MEGF8: variants seen among roughly 807,000 people sequenced by gnomAD.
The protein encoded by MEGF8 is multiple epidermal growth factor-like domains protein 8.
Under a neutral mutation model 302.9 loss-of-function variants are expected in MEGF8, and 156 were observed. That is an observed-to-expected ratio of 0.52 (90% CI 0.45 to 0.59). The LOEUF (loss-of-function observed/expected upper bound fraction) is 0.59. Among genes scored for constraint, MEGF8 ranks in the 20% least tolerant of loss-of-function variants. MEGF8 has a pLI of 0.00. For missense variants in MEGF8, 3,345 were observed against 3,964.5 expected (o/e 0.84, Z 4.20); for synonymous variants, 1,621 against 1,660.5 (o/e 0.98, Z 0.58).
chr19:42,350,980 C>T (rs922335308), intron 15 of MEGF8, among the ~76,000 whole-genome samples: 3 of 152,136 alleles, frequency 2.0e-5, no homozygotes, highest in Admixed American at 6.5e-5. Flanking sequence ...ATTGAATAAG[C>T]CCCACCCGGA....
At position 42,336,230 on chromosome 19, in the gene MEGF8, G is replaced by T; in HGVS notation, c.1128G>T (p.Trp376Cys). 6.2e-7 allele frequency: 1 copy of T among 1,609,428 alleles called. No homozygotes were observed. ...TTGACAGCACCAGCGGGGGCTATTGGGAGCAGGTGATTCCGGCAGGCGGAC... is the reference window on the plus strand; with the variant it reads ...TTGACAGCACCAGCGGGGGCTATTGTGAGCAGGTGATTCCGGCAGGCGGAC... ...FRLDSTSGGY[W>C]EQVIPAGGRP... The change falls in exon 6 of 42, where the codon TGG becomes TGT. Residue 376 changes from tryptophan (W) to cysteine (C), a missense_variant. By Grantham distance (215) the Trp-to-Cys change is radical. Transcript: ENST00000251268. This position sits in a 1 kb window ranked among gnomAD's most constrained non-coding sequence, Gnocchi z 4.8.
chr19:42,369,848 C>A lies in MEGF8; in HGVS notation c.6834+125C>A. The stretch of plus-strand genomic sequence containing the variant: ...TAAGCCAGGGACAGATAAGCCAGAG[C>A]CCTGTCCCAGGGAGATGTGTGGAGA... On this transcript the variant is annotated intron_variant, in intron 38 of 41. Transcript: ENST00000251268. The surrounding 1 kb of genome is among the most constrained non-coding windows in gnomAD (Gnocchi z 5.7). 2 of 1,137,708 alleles carry A rather than the reference C, an allele frequency of 1.8e-6. No homozygotes were observed. The highest frequency in any genetic ancestry group is 2.5e-6 in the Non-Finnish European group (2 of 815,200). 70.5% of individuals were successfully genotyped at this position (1,137,708 alleles called of 1,614,324 possible). A position where few individuals can be genotyped will look rare whatever the true frequency, so the allele number is the denominator to read the frequency against.
Position 42,336,429 on chromosome 19 carries a change from C to A in MEGF8, c.1244+83C>A. The stretch of plus-strand genomic sequence containing the variant: ...GGCCTTTAGTCTTTAGAGGTCTTTG[C>A]CCACTGTCGGACTCCTGTGGTCTCT... On this transcript the variant is annotated intron_variant, in intron 6 of 41. Transcript: ENST00000251268. This position sits in a 1 kb window ranked among gnomAD's most constrained non-coding sequence, Gnocchi z 4.8. 1 of 1,373,912 alleles carries A rather than the reference C, an allele frequency of 7.3e-7. No homozygotes were observed. Among genetic ancestry groups the A allele is most frequent in the Non-Finnish European group, 9.7e-7 (1 of 1,034,656 alleles). 85.1% of individuals were successfully genotyped at this position (1,373,912 alleles called of 1,614,324 possible).
chr19:42,369,365 T>C lies in MEGF8; in HGVS notation c.6642-166T>C, dbSNP rs1185085538. Among the ~76,000 whole-genome samples, 1 of 152,182 alleles carries C rather than the reference T, an allele frequency of 6.6e-6. No individual in the cohort carries two copies. Among genetic ancestry groups the C allele is most frequent in the Non-Finnish European group, 1.5e-5 (1 of 68,020 alleles). ...CAAAAGAGGAGAGAGGGTTGTGGGC[T>C]ACACCTGGAGGGGGTGGTGGGCTAG... On this transcript the variant is annotated intron_variant, in intron 37 of 41. Coordinates refer to ENST00000251268, the MANE Select transcript of MEGF8 (RefSeq NM_001271938.2). This position sits in a 1 kb window ranked among gnomAD's most constrained non-coding sequence, Gnocchi z 5.7.
chr19:42,369,053 G>A lies in MEGF8; in HGVS notation c.6641+51G>A, dbSNP rs1014399029. On this transcript the variant is annotated intron_variant, in intron 37 of 41. Coordinates refer to ENST00000251268, the MANE Select transcript of MEGF8 (RefSeq NM_001271938.2). This position sits in a 1 kb window ranked among gnomAD's most constrained non-coding sequence, Gnocchi z 5.7. ...CAGGCAGGCTAGGGTGGGAGAGTCT[G>A]TGGGGAGCAGTAATGGATGAGGCCT... 5.6e-6 allele frequency: 9 copies of A among 1,596,620 alleles called. No homozygotes were observed. In the South Asian group the frequency reaches 8.9e-5, roughly 16 times the overall value.
Position 42,337,150 on chromosome 19 carries a change from T to A in MEGF8, c.1457T>A (p.Leu486His). 1.9e-6 allele frequency: 3 copies of A among 1,614,042 alleles called. No individual in the cohort carries two copies. The highest frequency in any genetic ancestry group is 2.5e-6 in the Non-Finnish European group (3 of 1,179,898). Residue 486 changes from leucine (L) to histidine (H), a missense_variant, in exon 8 of 42, where the codon CTT becomes CAT. By Grantham distance (99) the Leu-to-His change is moderately conservative (BLOSUM62 -3). Coordinates refer to ENST00000251268, the MANE Select transcript of MEGF8 (RefSeq NM_001271938.2). ...GAAGATGGCATCTTCTTCTACCACC[T>A]TGGCTGCCATCAATGGGTGTCAGGA... Reference protein sequence around the residue: ...CYEDGIFFYHLGCHQWVSGAE... With the variant: ...CYEDGIFFYHHGCHQWVSGAE...
In MEGF8 at chr19:42,369,649, C is replaced by A. The variant is rs750817882; in HGVS notation, c.6760C>A (p.Arg2254Ser). The change falls in exon 38 of 42, where the codon CGC (arginine) becomes AGC (serine). Residue 2254 changes from arginine to serine, a missense_variant. Transcript: ENST00000251268. This position sits in a 1 kb window ranked among gnomAD's most constrained non-coding sequence, Gnocchi z 5.7. ...FVGRNCSTEC[R>S]CNRHSECAGV... ...GGGCCGCAACTGCTCCACGGAATGC[C>A]GCTGCAACCGCCACAGTGAATGCGC... 89 of 1,609,134 alleles carry A rather than the reference C, an allele frequency of 5.5e-5. No homozygotes were observed. The highest frequency in any genetic ancestry group is 7.0e-5 in the Non-Finnish European group (82 of 1,177,238).
Position 42,356,077 on chromosome 19 carries a change from C to A in MEGF8, c.4393-6C>A. ...GGGCTCCCCTGAGTCCCTTGTCATC[C>A]CCCAGAGCCTGGGTGTGTGCATCTG... is the stretch of plus-strand genomic sequence containing the variant. On this transcript the variant is annotated splice_region_variant and splice_polypyrimidine_tract_variant and intron_variant, in intron 24 of 41. Transcript: ENST00000251268. The surrounding 1 kb of genome is among the most constrained non-coding windows in gnomAD (Gnocchi z 5.2). 6.3e-7 allele frequency: 1 copy of A among 1,586,854 alleles called. No individual in the cohort carries two copies. The highest frequency in any genetic ancestry group is 8.6e-7 in the Non-Finnish European group (1 of 1,162,772).
At position 42,357,514 on chromosome 19, in the gene MEGF8, G is replaced by C; in HGVS notation, c.4941G>C (p.Gln1647His). 6.2e-7 allele frequency: 1 copy of C among 1,613,674 alleles called. No homozygotes were observed. The highest frequency in any genetic ancestry group is 2.2e-5 in the East Asian group (1 of 44,864). The change falls in exon 28 of 42, where the codon CAG (glutamine) becomes CAC (histidine). Residue 1647 changes from glutamine to histidine, a missense_variant. Transcript: ENST00000251268. This position sits in a 1 kb window ranked among gnomAD's most constrained non-coding sequence, Gnocchi z 5.2. ...GGYSPENGFN[Q>H]QLLEYQLATG... ...ACTCCCCGGAAAATGGCTTCAACCA[G>C]CAGCTGCTGGAGTACCAGCTGGCAA...
Position 42,369,317 on chromosome 19 carries a change from T to A in MEGF8, c.6642-214T>A, listed in dbSNP as rs1273987304. On this transcript the variant is annotated intron_variant, in intron 37 of 41. Coordinates refer to ENST00000251268, the MANE Select transcript of MEGF8 (RefSeq NM_001271938.2). The surrounding 1 kb of genome is among the most constrained non-coding windows in gnomAD (Gnocchi z 5.7). ...GGGAGACCCCATCTCTACAAAAAAATAAAAAAGAAAATAGGGTACCCTCAA... is the reference window on the plus strand; with the variant it reads ...GGGAGACCCCATCTCTACAAAAAAAAAAAAAAGAAAATAGGGTACCCTCAA... Among the ~76,000 whole-genome samples the A allele has an allele frequency of 1.3e-5, 2 of 151,650 alleles. No homozygotes were observed. Among genetic ancestry groups the A allele is most frequent in the Non-Finnish European group, 2.9e-5 (2 of 67,942 alleles).
Position 42,344,062 on chromosome 19 carries a change from C to A in MEGF8, c.1777C>A (p.Pro593Thr). 1 of 1,613,376 alleles carries A rather than the reference C, an allele frequency of 6.2e-7. No homozygotes were observed. The highest frequency in any genetic ancestry group is 8.5e-7 in the Non-Finnish European group (1 of 1,179,680). The change falls in exon 10 of 42, where the codon CCC (proline) becomes ACC (threonine). Residue 593 changes from proline (P) to threonine (T), a missense_variant. Pro to Thr is a conservative substitution (Grantham distance 38). Coordinates refer to ENST00000251268, the MANE Select transcript of MEGF8 (RefSeq NM_001271938.2). The surrounding 1 kb of genome is among the most constrained non-coding windows in gnomAD (Gnocchi z 4.5). ...CCAAGCTGCACCCCCTCCTGGGACCCCCTTGGGGGCTGTGAGTGACAGCCC... is the reference window on the plus strand; with the variant it reads ...CCAAGCTGCACCCCCTCCTGGGACCACCTTGGGGGCTGTGAGTGACAGCCC... ...ACQAAPPPGTPLGACPAASCL... is the reference protein window; with the variant it reads ...ACQAAPPPGTTLGACPAASCL...
chr19:42,351,255 G>T lies in MEGF8; in HGVS notation c.2776G>T (p.Gly926Trp). ...CEWHQSTSRK[G>W]DAACSRRGRG... ...GTGGCATCAGAGCACCAGCCGCAAA[G>T]GGGACGCGGCATGCAGCCGGCGGGG... The change falls in exon 16 of 42, where the codon GGG becomes TGG. Residue 926 changes from glycine to tryptophan, a missense_variant. Coordinates refer to ENST00000251268, the MANE Select transcript of MEGF8 (RefSeq NM_001271938.2). This position sits in a 1 kb window ranked among gnomAD's most constrained non-coding sequence, Gnocchi z 5.6. 6.4e-7 allele frequency: 1 copy of T among 1,571,926 alleles called. No individual in the cohort carries two copies. The highest frequency in any genetic ancestry group is 2.3e-5 in the East Asian group (1 of 42,884).
intron 31 of MEGF8, among the ~76,000 whole-genome samples, chr19:42,360,372 G>A (rs1252498331): frequency 6.8e-6 from 1 of 146,456 alleles, no homozygotes; most frequent in East Asian, 2.0e-4. Flanking sequence ...TGGAGACATG[G>A]TCTTGTTCTG....
chr19:42,329,639 A>T (rs1217490572), intron 1 of MEGF8, among the ~76,000 whole-genome samples: 1 of 152,198 alleles, frequency 6.6e-6, no homozygotes. Context: ...AGATGCAAGG[A>T]TTACTCGAGC....
chr19:42,362,669 TG>T (rs1205116287), intron 34 of MEGF8, 72 bp downstream of exon 34: 5 of 1,504,380 alleles, frequency 3.3e-6, no homozygotes, highest in East Asian at 2.4e-5. Flanking sequence ...GAGGAGGGGC[TG>T]GGGGCCTGGT....
intron 32 of MEGF8, among the ~76,000 whole-genome samples, chr19:42,361,611 A>C (rs1434163029): frequency 6.6e-6 from 1 of 152,206 alleles, no homozygotes; most frequent in African/African-American, 2.4e-5. Flanking sequence ...TCTAAAATCC[A>C]GAACAGTCTG....
rs374797693 is a variant in MEGF8, at chr19:42,362,523, C to T, written c.5984C>T (p.Ala1995Val). 9.3e-6 allele frequency: 15 copies of T among 1,613,620 alleles called. No homozygotes were observed. The highest frequency in any genetic ancestry group is 2.2e-5 in the East Asian group (1 of 44,904). Residue 1995 changes from alanine (A) to valine (V), a missense_variant, in exon 34 of 42, where the codon GCG becomes GTG. Physicochemically the swap from Ala to Val is moderately conservative, Grantham distance 64. Transcript: ENST00000251268. ...VFWAGNCSEA[A>V]CGAADCEQCT... The stretch of plus-strand genomic sequence containing the variant: ...TGGGCAGGGAACTGCTCCGAGGCTG[C>T]GTGCGGGGCTGCTGACTGCGAGCAG...
Position 42,376,142 on chromosome 19 carries a change from C to T in MEGF8, c.7905C>T (p.Gly2635=), listed in dbSNP as rs773278649. The change falls in exon 42 of 42, where the codon GGC becomes GGT. Residue 2635 remains glycine (G), a synonymous_variant. Coordinates refer to ENST00000251268, the MANE Select transcript of MEGF8 (RefSeq NM_001271938.2). This position sits in a 1 kb window ranked among gnomAD's most constrained non-coding sequence, Gnocchi z 8.2. ...PGANGSADSQ[G]LLFFRQDQAH... The stretch of plus-strand genomic sequence containing the variant: ...CCAACGGCTCAGCCGACTCGCAGGG[C>T]CTGCTCTTCTTCCGGCAGGACCAGG... The T allele has an allele frequency of 2.5e-6, 4 of 1,609,710 alleles. No homozygotes were observed. The South Asian group carries it at 4.4e-5, about 18-fold the overall frequency.
In MEGF8 at chr19:42,358,263, C is replaced by T; in HGVS notation, c.5131C>T (p.Pro1711Ser). ...PSPELYSLHC[P>S]DRTWSLLAPS... ...CCCCGAGCTCTACTCCCTGCACTGT[C>T]CTGACCGCACCTGGAGTCTGCTGGC... Residue 1711 changes from proline (P) to serine (S), a missense_variant, in exon 29 of 42, where the codon CCT becomes TCT. By Grantham distance (74) the Pro-to-Ser change is moderately conservative (BLOSUM62 -1). Transcript: ENST00000251268. This position sits in a 1 kb window ranked among gnomAD's most constrained non-coding sequence, Gnocchi z 4.4. The T allele has an allele frequency of 1.2e-6, 2 of 1,605,316 alleles. No homozygotes were observed. Among genetic ancestry groups the T allele is most frequent in the East Asian group, 2.2e-5 (1 of 44,460 alleles).
Sources: gnomAD v4.1 joint callset for allele counts (sites outside exome capture counted in the v4.1 genomes callset) on GRCh38, gnomAD v4.1.1 for gene constraint, Gnocchi (gnomAD v3.1) non-coding constraint, MANE v1.5 for transcripts, NCBI Gene and HGNC (gene_info 2026-07-23, HGNC 2026-07-21) for gene names.